RAI14: variants seen among roughly 807,000 people sequenced by gnomAD.
RAI14 encodes the protein retinoic acid induced 14.
RAI14 carries 45 observed loss-of-function variants against 115.4 expected under a neutral mutation model. The ratio of observed to expected loss-of-function variants is 0.39; its 90% confidence interval spans 0.31 to 0.50. The LOEUF is 0.50. Ranked by LOEUF, RAI14 falls within the 20% of genes least tolerant of loss-of-function variation. The probability of loss-of-function intolerance (pLI) is 0.85; values close to 1 mark genes in which losing one functional copy is unlikely to be tolerated. For missense variants in RAI14, 939 were observed against 1,131.2 expected (o/e 0.83, Z 2.44); for synonymous variants, 371 against 415.4 (o/e 0.89, Z 1.30).
intron 3 of RAI14, among the ~76,000 whole-genome samples, chr5:34,777,704 G>C (rs555517668): frequency 6.6e-6 from 1 of 151,996 alleles, no homozygotes. Flanking sequence ...GCTTGAACCC[G>C]GGAGGCAGAG....
intron 4 of RAI14, among the ~76,000 whole-genome samples, chr5:34,796,723 C>T (rs764620211): frequency 2.0e-5 from 3 of 152,104 alleles, no homozygotes; most frequent in Non-Finnish European, 4.4e-5. Flanking sequence ...TGAACTTCAT[C>T]TGGACCAGCT....
intron 2 of RAI14, chr5:34,728,792 G>C (rs1013509503): frequency 6.6e-6 from 1 of 152,064 alleles, no homozygotes; most frequent in Non-Finnish European, 1.5e-5. Context: ...GCCAGGTGTG[G>C]TGGCACCTGT....
Position 34,786,494 on chromosome 5 carries a change from CTCTGTTACTTCT to C in RAI14, c.168-9433_168-9422del, listed in dbSNP as rs529571279. Among the ~76,000 whole-genome samples, 306 of 152,314 alleles carry C rather than the reference CTCTGTTACTTCT, an allele frequency of 2.0e-3. 4 individuals are homozygous for C. The highest frequency in any genetic ancestry group is 6.6e-3 in the African/African-American group (274 of 41,562). Reference sequence around the variant, plus strand: ...TAGCTTTAGCTGGCAAACAAACCGGCTCTGTTACTTCTTCTGTTACTTCATTATACTCTCCTC... The same window carrying C: ...TAGCTTTAGCTGGCAAACAAACCGGCTCTGTTACTTCATTATACTCTCCTC... On this transcript the variant is annotated intron_variant, in intron 3 of 17. Coordinates refer to ENST00000265109, the MANE Select transcript of RAI14 (RefSeq NM_015577.3).
intron 2 of RAI14, among the ~76,000 whole-genome samples, chr5:34,743,450 G>A (rs997331121): frequency 5.3e-5 from 8 of 152,140 alleles, no homozygotes; most frequent in African/African-American, 1.9e-4. Context: ...GGTCTATCCC[G>A]AGTCTAGAAT....
chr5:34,740,989 G>A (rs993467923), intron 2 of RAI14, among the ~76,000 whole-genome samples: 53 of 152,178 alleles, frequency 3.5e-4, no homozygotes, highest in African/African-American at 1.1e-3. Flanking sequence ...ATTAGACATC[G>A]TGCTCATATG....
intron 1 of RAI14, among the ~76,000 whole-genome samples, chr5:34,681,571 T>G (rs761282580): frequency 1.6e-4 from 24 of 152,148 alleles, no homozygotes; most frequent in Admixed American, 1.1e-3. Flanking sequence ...CATGGCTCAC[T>G]GTAGCCTTGA....
intron 2 of RAI14, among the ~76,000 whole-genome samples, chr5:34,750,916 G>C (rs1384697967): frequency 7.9e-6 from 1 of 126,934 alleles, no homozygotes; most frequent in Non-Finnish European, 1.6e-5. Context: ...GCAATGGTGC[G>C]ATCTCAGCTC....
intron 2 of RAI14, among the ~76,000 whole-genome samples, chr5:34,745,602 T>C (rs932891453): frequency 2.6e-5 from 4 of 152,160 alleles, no homozygotes; most frequent in African/African-American, 9.7e-5. Flanking sequence ...GAATCTCTGC[T>C]TCACTCTCTG....
chr5:34,771,644 G>A (rs183694477), intron 3 of RAI14, among the ~76,000 whole-genome samples: 25 of 152,234 alleles, frequency 1.6e-4, no homozygotes, highest in Non-Finnish European at 2.9e-5. Context: ...TCCCAGCCTT[G>A]TCCCATGGTA....
At chr5:34,754,143 G>A (rs13176284) in intron 2 of RAI14, among the ~76,000 whole-genome samples, 36,309 of 151,610 alleles carry the variant, frequency 0.24, 5,069 homozygotes, top group East Asian at 0.48. Context: ...GAGGATGAGA[G>A]GATGTAGGAA....
Position 34,767,332 on chromosome 5 carries a change from G to C in RAI14, c.167+9734G>C, listed in dbSNP as rs575716348. The stretch of plus-strand genomic sequence containing the variant: ...CAAATGCAGAGGTCAGGAGAGCCTG[G>C]GAAACGTAGTTGGCTGTGATAGACA... On this transcript the variant is annotated intron_variant, in intron 3 of 17. Transcript: ENST00000265109. Among the ~76,000 whole-genome samples the C allele has an allele frequency of 3.9e-5, 6 of 152,226 alleles. No homozygotes were observed. In the South Asian group the frequency reaches 1.2e-3, roughly 32 times the overall value.
chr5:34,769,424 C>T (rs1159731510), intron 3 of RAI14, among the ~76,000 whole-genome samples: 1 of 152,168 alleles, frequency 6.6e-6, no homozygotes, highest in African/African-American at 2.4e-5. Flanking sequence ...TCCTTACCCT[C>T]AGTATAATCT....
intron 1 of RAI14, among the ~76,000 whole-genome samples, chr5:34,672,907 GT>G (rs1218020039): frequency 1.3e-5 from 2 of 151,086 alleles, no homozygotes; most frequent in Non-Finnish European, 1.5e-5. Context: ...TGAAGGTTTT[GT>G]TTTTCCTATT....
intron 2 of RAI14, among the ~76,000 whole-genome samples, chr5:34,703,075 A>G (rs929039897): frequency 4.6e-5 from 7 of 152,232 alleles, no homozygotes; most frequent in Admixed American, 2.0e-4. Flanking sequence ...TGTAACCCAG[A>G]TGTTGGGAGT....
Position 34,713,920 on chromosome 5 carries a change from C to T in RAI14, c.36+26965C>T, listed in dbSNP as rs183924575. Among the ~76,000 whole-genome samples, 269 of 152,320 alleles carry T rather than the reference C, an allele frequency of 1.8e-3. 2 individuals carry two copies. Among genetic ancestry groups the T allele is most frequent in the Admixed American group, 0.015 (237 of 15,300 alleles). ...TCCCGGTTTCAAACGATTCTCCTGC[C>T]TCAGCCTCTGAGTAGCTGGGATTAC... On this transcript the variant is annotated intron_variant, in intron 2 of 17. Transcript: ENST00000265109.
Position 34,830,687 on chromosome 5 carries a change from G to T in RAI14, c.2866-1G>T. On this transcript the variant is annotated splice_acceptor_variant, in intron 17 of 17. Transcript: ENST00000265109. LOFTEE classifies it high-confidence loss of function. Reference sequence around the variant, plus strand: ...GAGTATCTTGTGTTTGAATATCCTAGGGCCAGATGGATGAAGATGTCCAGA... The same window carrying T: ...GAGTATCTTGTGTTTGAATATCCTATGGCCAGATGGATGAAGATGTCCAGA... 1 of 1,614,070 alleles carries T rather than the reference G, an allele frequency of 6.2e-7. No individual in the cohort carries two copies. The highest frequency in any genetic ancestry group is 1.1e-5 in the South Asian group (1 of 91,070).
chr5:34,733,346 C>T (rs1395823206), intron 2 of RAI14: 1 of 152,218 alleles, frequency 6.6e-6, no homozygotes, highest in African/African-American at 2.4e-5. Flanking sequence ...TGTGTTAGTA[C>T]TCGAATGCTC....
At chr5:34,721,612 G>A (rs985931199) in intron 2 of RAI14, among the ~76,000 whole-genome samples, 3 of 152,028 alleles carry the variant, frequency 2.0e-5, no homozygotes, top group African/African-American at 2.4e-5. Context: ...CAGCAATTCC[G>A]TGTCTGCCTT....
chr5:34,687,662 T>C (rs531308619), intron 2 of RAI14: 2 of 1,551,340 alleles, frequency 1.3e-6, no homozygotes, highest in South Asian at 1.2e-5. Flanking sequence ...GCATTCCAGA[T>C]ACTTTGAGCA....
Sources: allele counts gnomAD v4.1 joint callset (sites outside exome capture counted in the v4.1 genomes callset), GRCh38; gene constraint gnomAD v4.1.1; transcripts MANE v1.5; gene names NCBI Gene and HGNC (gene_info 2026-07-23, HGNC 2026-07-21).